MLLT3: variants seen among roughly 807,000 people sequenced by gnomAD.
MLLT3 encodes the protein protein AF-9.
MLLT3 carries 4 observed loss-of-function variants against 53.2 expected under a neutral mutation model. That is an observed-to-expected ratio of 0.08 (90% CI 0.04 to 0.17). The LOEUF is 0.17. Among genes scored for constraint, MLLT3 ranks in the 10% least tolerant of loss-of-function variants. The probability of loss-of-function intolerance (pLI) is 1.00; values close to 1 mark genes in which losing one functional copy is unlikely to be tolerated. For synonymous variants in MLLT3, 283 were observed against 230.6 expected (o/e 1.23, Z -2.06); for missense variants, 569 against 684.0 (o/e 0.83, Z 1.87).
chr9:20,559,957 C>G (rs773594130), intron 2 of MLLT3, among the ~76,000 whole-genome samples: 1 of 152,146 alleles, frequency 6.6e-6, no homozygotes, highest in Non-Finnish European at 1.5e-5. Context: ...TTGGGCAACA[C>G]CAGATACATT....
Position 20,622,324 on chromosome 9 carries a change from G to A in MLLT3, c.-68C>T. 17 of 1,424,096 alleles carry A rather than the reference G, an allele frequency of 1.2e-5. No homozygotes were observed. Among genetic ancestry groups the A allele is most frequent in the African/African-American group, 1.5e-5 (1 of 68,448 alleles). The allele number at this position is 1,424,096 out of a possible 1,614,324, so 88.2% of individuals were successfully genotyped here. On this transcript the variant is annotated 5_prime_UTR_variant, in exon 1 of 11. Coordinates refer to ENST00000380338, the MANE Select transcript of MLLT3 (RefSeq NM_004529.4). The stretch of plus-strand genomic sequence containing the variant: ...CCCCCTCCTCCGCCCCCCCTCAGCT[G>A]TAATTCATGAAGAGGCTGCTATGAA...
At chr9:20,572,705 G>A (rs1026047856) in intron 2 of MLLT3, among the ~76,000 whole-genome samples, 12 of 152,086 alleles carry the variant, frequency 7.9e-5, no homozygotes, top group Non-Finnish European at 1.3e-4. Context: ...GAGGCGGAAG[G>A]ATTGCTTGAA....
intron 2 of MLLT3, among the ~76,000 whole-genome samples, chr9:20,463,673 T>C (rs1329237066): frequency 1.3e-5 from 2 of 152,170 alleles, no homozygotes; most frequent in South Asian, 2.1e-4. Flanking sequence ...TCCAGGCTAA[T>C]ATGATGGGAA....
At chr9:20,617,286 T>G (rs954685284) in intron 2 of MLLT3, among the ~76,000 whole-genome samples, 4 of 152,170 alleles carry the variant, frequency 2.6e-5, no homozygotes, top group Non-Finnish European at 5.9e-5. Flanking sequence ...CAGAAGACCA[T>G]TTAACACAAA....
At chr9:20,376,127 TAAC>T (rs1387431757) in intron 5 of MLLT3, among the ~76,000 whole-genome samples, 1 of 152,208 alleles carries the variant, frequency 6.6e-6, no homozygotes, top group Non-Finnish European at 1.5e-5. Flanking sequence ...AATAAGCTGT[TAAC>T]AGCTCTTTCT....
At chr9:20,348,412 T>C (rs1327318612) in intron 10 of MLLT3, among the ~76,000 whole-genome samples, 2 of 152,214 alleles carry the variant, frequency 1.3e-5, no homozygotes, top group Non-Finnish European at 2.9e-5. Flanking sequence ...TTGCCTTCTT[T>C]CCTTCTTCCT....
At chr9:20,499,882 T>C (rs910189056) in intron 2 of MLLT3, among the ~76,000 whole-genome samples, 36 of 150,010 alleles carry the variant, frequency 2.4e-4, no homozygotes, top group African/African-American at 8.5e-4. Flanking sequence ...CTGGACATCA[T>C]AGCAAGAACC....
At chr9:20,404,894 G>A (rs1204378869) in intron 5 of MLLT3, among the ~76,000 whole-genome samples, 2 of 152,050 alleles carry the variant, frequency 1.3e-5, no homozygotes, top group African/African-American at 4.8e-5. Flanking sequence ...TGACTGGCCA[G>A]GTATGGCTAT....
chr9:20,489,086 G>A lies in MLLT3; in HGVS notation c.194-32300C>T, dbSNP rs975136537. ...CATTAATACCATTTATGAACAAAGA[G>A]AAGTAACAAAGTGAACACTATTCCA... is the stretch of plus-strand genomic sequence containing the variant. On this transcript the variant is annotated intron_variant, in intron 2 of 10. Transcript: ENST00000380338. Among the ~76,000 whole-genome samples the A allele has an allele frequency of 3.3e-5, 5 of 152,214 alleles. 1 individual carries two copies.
chr9:20,475,901 CAA>C (rs944390251), intron 2 of MLLT3, among the ~76,000 whole-genome samples: 3 of 152,216 alleles, frequency 2.0e-5, no homozygotes, highest in African/African-American at 7.2e-5. Context: ...CAGTTAGCAA[CAA>C]AATTGTCCTA....
Position 20,381,510 on chromosome 9 carries a change from A to G in MLLT3, c.1126-15766T>C, listed in dbSNP as rs1052839654. On this transcript the variant is annotated intron_variant, in intron 5 of 10. Coordinates refer to ENST00000380338, the MANE Select transcript of MLLT3 (RefSeq NM_004529.4). ...TTCTTTAAATTTTGTAACTACTTATATTAGATTATATTTGCCATGTATATT... is the reference window on the plus strand; with the variant it reads ...TTCTTTAAATTTTGTAACTACTTATGTTAGATTATATTTGCCATGTATATT... 3.3e-5 allele frequency among the ~76,000 whole-genome samples: 5 copies of G among 152,082 alleles called. No homozygotes were observed. In the South Asian group the frequency reaches 8.3e-4, roughly 25 times the overall value.
chr9:20,607,925 GTAC>G (rs1263666786), intron 2 of MLLT3, among the ~76,000 whole-genome samples: 1 of 151,880 alleles, frequency 6.6e-6, no homozygotes, highest in African/African-American at 2.4e-5. Context: ...ATAAAATTAT[GTAC>G]TAATTTCCCT....
chr9:20,372,662 C>T (rs1458344986), intron 5 of MLLT3, among the ~76,000 whole-genome samples: 1 of 150,342 alleles, frequency 6.7e-6, no homozygotes, highest in African/African-American at 2.5e-5. Context: ...CCCGCCTTGG[C>T]CTCCCAAAGT....
chr9:20,428,425 CTG>C (rs1269127593), intron 4 of MLLT3, among the ~76,000 whole-genome samples: 4 of 151,804 alleles, frequency 2.6e-5, no homozygotes, highest in African/African-American at 7.2e-5. Flanking sequence ...TTTAAAAAAA[CTG>C]TATATATTTG....
intron 4 of MLLT3, among the ~76,000 whole-genome samples, chr9:20,444,340 A>G (rs1042781393): frequency 3.9e-5 from 6 of 152,268 alleles, no homozygotes; most frequent in African/African-American, 1.4e-4. Context: ...CACAGAGTAC[A>G]CTTGGTCCTT....
chr9:20,402,353 A>G (rs939465530), intron 5 of MLLT3, among the ~76,000 whole-genome samples: 5 of 152,206 alleles, frequency 3.3e-5, no homozygotes, highest in Non-Finnish European at 5.9e-5. Context: ...TGAAGGTGCC[A>G]TAGTCTAAAA....
intron 5 of MLLT3, among the ~76,000 whole-genome samples, chr9:20,413,258 C>A (rs1210528041): frequency 2.0e-5 from 3 of 152,116 alleles, no homozygotes; most frequent in African/African-American, 7.2e-5. Flanking sequence ...ATACTATCAC[C>A]AGCCTTCTAT....
intron 4 of MLLT3, among the ~76,000 whole-genome samples, 197 bp from the exon 5 acceptor site, chr9:20,414,622 T>G (rs1324765035): frequency 6.6e-6 from 1 of 152,154 alleles, no homozygotes; most frequent in Non-Finnish European, 1.5e-5. Context: ...GAGTAGGTTA[T>G]TATCAAATAA....
At chr9:20,580,872 T>C (rs895289012) in intron 2 of MLLT3, among the ~76,000 whole-genome samples, 16 of 152,190 alleles carry the variant, frequency 1.1e-4, no homozygotes, top group Non-Finnish European at 1.9e-4. Context: ...ACTACAACAA[T>C]TTACACAGGG....
Sources: gnomAD v4.1 joint callset for allele counts (sites outside exome capture counted in the v4.1 genomes callset) on GRCh38, gnomAD v4.1.1 for gene constraint, MANE v1.5 for transcripts, NCBI Gene and HGNC (gene_info 2026-07-23, HGNC 2026-07-21) for gene names.